MTHFD1L: variants seen among roughly 807,000 people sequenced by gnomAD.
MTHFD1L encodes monofunctional C1-tetrahydrofolate synthase, mitochondrial.
In MTHFD1L, 81 loss-of-function variants were observed where a neutral mutation model predicts 119.5. The observed-to-expected ratio is 0.68, with a 90% CI of 0.57 to 0.82. MTHFD1L has a LOEUF of 0.82. MTHFD1L is among the 40% of genes least tolerant of loss of function. The pLI, the probability that MTHFD1L is intolerant of heterozygous loss-of-function variation, is 0.00. For synonymous variants in MTHFD1L, 430 were observed against 475.2 expected (o/e 0.90, Z 1.24); for missense variants, 1,125 against 1,253.4 (o/e 0.90, Z 1.55).
chr6:150,947,607 A>T (rs9478154), intron 15 of MTHFD1L, among the ~76,000 whole-genome samples: 42,578 of 149,996 alleles, frequency 0.28, 6,909 homozygotes, highest in East Asian at 0.43. Flanking sequence ...AAAAGTTTTA[A>T]TTTTTTTTTT....
At chr6:150,955,241 G>A (rs1181841275) in intron 16 of MTHFD1L, among the ~76,000 whole-genome samples, 1 of 152,068 alleles carries the variant, frequency 6.6e-6, no homozygotes, top group Non-Finnish European at 1.5e-5. Flanking sequence ...TATAGTACTT[G>A]CCTTTCTGTG....
At chr6:151,095,529 G>A (rs2128661133) in intron 27 of MTHFD1L, among the ~76,000 whole-genome samples, 1 of 152,266 alleles carries the variant, frequency 6.6e-6, no homozygotes, top group East Asian at 1.9e-4. Context: ...TAGGACTCAG[G>A]TCCTACTCAG....
chr6:150,898,867 C>A, intron 7 of MTHFD1L: 1 of 395,202 alleles, frequency 2.5e-6, no homozygotes, highest in African/African-American at 2.2e-5. Flanking sequence ...CAGACGGAGT[C>A]TCGTTCTGTC....
intron 24 of MTHFD1L, chr6:151,016,647 C>A (rs1033608140): frequency 1.2e-5 from 2 of 165,282 alleles, no homozygotes; most frequent in African/African-American, 5.0e-5. Flanking sequence ...TGTTATGGTT[C>A]TTTTCTCTTG....
At chr6:150,998,644 A>T (rs776555238) in intron 20 of MTHFD1L, among the ~76,000 whole-genome samples, 59 of 149,784 alleles carry the variant, frequency 3.9e-4, no homozygotes, top group South Asian at 6.4e-4. Flanking sequence ...TGCAGTCAGC[A>T]TGCAGTTAAA....
chr6:151,040,446 C>G (rs967303749), intron 26 of MTHFD1L, among the ~76,000 whole-genome samples: 12 of 152,216 alleles, frequency 7.9e-5, no homozygotes, highest in African/African-American at 2.9e-4. Context: ...CACAGTGGCT[C>G]ACACTTACAA....
At chr6:150,955,396 C>A (rs1328770780) in intron 16 of MTHFD1L, among the ~76,000 whole-genome samples, 3 of 151,804 alleles carry the variant, frequency 2.0e-5, no homozygotes, top group African/African-American at 7.3e-5. Flanking sequence ...CTCCTTTTGA[C>A]TATTTTGAAT....
At position 151,050,405 on chromosome 6, in the gene MTHFD1L, G is replaced by A. The variant is rs190806806; in HGVS notation, c.2847+13288G>A. On this transcript the variant is annotated intron_variant, in intron 26 of 27. Transcript: ENST00000367321. ...TTGAACTCCTGACCTTAGGTGACCCGCCCGCCTTGGCCTCCCAAAGTGCTG... is the reference window on the plus strand; with the variant it reads ...TTGAACTCCTGACCTTAGGTGACCCACCCGCCTTGGCCTCCCAAAGTGCTG... Among the ~76,000 whole-genome samples, 1,461 of 152,218 alleles carry A rather than the reference G, an allele frequency of 9.6e-3. 35 individuals are homozygous for A. The highest frequency in any genetic ancestry group is 0.034 in the African/African-American group (1,397 of 41,534).
rs138013238 is a variant in MTHFD1L, at chr6:150,927,277, C to T, written c.1256+982C>T. Reference sequence around the variant, plus strand: ...CTCAGAGGAAACAACTGTTGACCTGCGAGGACTGTTTTGACGCTGATAGAG... The same window carrying T: ...CTCAGAGGAAACAACTGTTGACCTGTGAGGACTGTTTTGACGCTGATAGAG... On this transcript the variant is annotated intron_variant, in intron 11 of 27. Coordinates refer to ENST00000367321, the MANE Select transcript of MTHFD1L (RefSeq NM_015440.5). Among the ~76,000 whole-genome samples, 87 of 152,062 alleles carry T rather than the reference C, an allele frequency of 5.7e-4. 1 individual carries two copies. The East Asian group carries it at 0.012, about 21-fold the overall frequency.
At chr6:150,977,173 G>A (rs1442183673) in intron 20 of MTHFD1L, among the ~76,000 whole-genome samples, 1 of 152,094 alleles carries the variant, frequency 6.6e-6, no homozygotes, top group Non-Finnish European at 1.5e-5. Context: ...ATTAGTTAAG[G>A]TTCTTAACTA....
rs538193437 is a variant in MTHFD1L, at chr6:151,017,665, GGCTGA to G, written c.2586+1973_2586+1977del. Among the ~76,000 whole-genome samples, 215 of 151,926 alleles carry G rather than the reference GGCTGA, an allele frequency of 1.4e-3. 2 individuals carry two copies. The highest frequency in any genetic ancestry group is 5.0e-3 in the African/African-American group (207 of 41,434). ...CGGCCAGAATTTCCTTTATTTTTCG[GGCTGA>G]ATACGCTCCCATTCTTTGGATATCC... is the stretch of plus-strand genomic sequence containing the variant. On this transcript the variant is annotated intron_variant, in intron 24 of 27. Transcript: ENST00000367321.
intron 13 of MTHFD1L, 141 bp from the exon 14 acceptor site, chr6:150,944,345 G>A (rs1398181541): frequency 1.9e-5 from 12 of 646,696 alleles, no homozygotes; most frequent in Non-Finnish European, 3.3e-5. Context: ...CTACTCAGTA[G>A]GCTTAGGTGA....
chr6:150,939,683 C>CTTTT (rs751835547), intron 13 of MTHFD1L, among the ~76,000 whole-genome samples: 2 of 108,454 alleles, frequency 1.8e-5, no homozygotes, highest in African/African-American at 4.3e-5. Context: ...CTTGCAGACT[C>CTTTT]TTTTTTTTTT....
chr6:150,896,786 T>A (rs1784299987), intron 7 of MTHFD1L, among the ~76,000 whole-genome samples: 1 of 152,030 alleles, frequency 6.6e-6, no homozygotes, highest in Admixed American at 6.6e-5. Context: ...TGTGAGACGA[T>A]ATATTCAAAC....
intron 26 of MTHFD1L, among the ~76,000 whole-genome samples, chr6:151,067,418 C>A (rs370710601): frequency 7.3e-5 from 11 of 151,648 alleles, no homozygotes; most frequent in African/African-American, 2.7e-4. Flanking sequence ...CGACCTCCTA[C>A]GTCCAAGCAA....
intron 17 of MTHFD1L, 83 bp downstream of exon 17, chr6:150,956,154 G>A: frequency 7.3e-7 from 1 of 1,375,852 alleles, no homozygotes; most frequent in Non-Finnish European, 1.0e-6. Context: ...TGCCTTTCTT[G>A]TCTCATCCCC....
At chr6:150,901,021 A>AAAAG (rs1785024436) in intron 7 of MTHFD1L, among the ~76,000 whole-genome samples, 1 of 150,374 alleles carries the variant, frequency 6.7e-6, no homozygotes, top group Admixed American at 6.6e-5. Context: ...CTCAAAAAAA[A>AAAAG]AAAAGAAAAG....
At chr6:151,005,631 G>A (rs940364912) in intron 20 of MTHFD1L, among the ~76,000 whole-genome samples, 25 of 152,004 alleles carry the variant, frequency 1.6e-4, no homozygotes, top group Non-Finnish European at 1.5e-5. Context: ...AAAATTAGCC[G>A]GGCATGATGG....
chr6:150,866,167 A>T, intron 1 of MTHFD1L, 118 bp downstream of exon 1: 4 of 1,377,796 alleles, frequency 2.9e-6, no homozygotes, highest in Non-Finnish European at 3.8e-6. Flanking sequence ...TTTGGTGCCA[A>T]CTCATTAGGG....
Sources: allele counts gnomAD v4.1 joint callset (sites outside exome capture counted in the v4.1 genomes callset), GRCh38; gene constraint gnomAD v4.1.1; transcripts MANE v1.5; gene names NCBI Gene and HGNC (gene_info 2026-07-23, HGNC 2026-07-21).